The following COL19A1 variants were observed in gnomAD, a reference collection of about 807,000 sequenced individuals.
COL19A1 encodes collagen type XIX alpha 1 chain, also known as collagen alpha-1(XIX) chain.
Under a neutral mutation model 190.2 loss-of-function variants are expected in COL19A1, and 159 were observed. The ratio of observed to expected loss-of-function variants is 0.84; its 90% confidence interval spans 0.73 to 0.95. COL19A1 has a LOEUF of 0.95. Ranked by LOEUF, COL19A1 falls within the 40% of genes least tolerant of loss-of-function variation. The pLI is 0.00. For missense variants in COL19A1, 1,418 were observed against 1,431.9 expected, an observed-to-expected ratio of 0.99 and a Z score of 0.16; for synonymous variants, 509 against 458.9, an observed-to-expected ratio of 1.11 and a Z score of -1.39.
chr6:69,960,048 G>T lies in COL19A1; in HGVS notation c.981+8G>T. On this transcript the variant is annotated splice_region_variant and intron_variant, in intron 10 of 50. Coordinates refer to ENST00000620364, the MANE Select transcript of COL19A1 (RefSeq NM_001858.6). Reference sequence around the variant, plus strand: ...GGATTCCCTGGTCAAAAGGTAAAGAGTTCTTGAATGTTTCATCTGAGTTAA... The same window carrying T: ...GGATTCCCTGGTCAAAAGGTAAAGATTTCTTGAATGTTTCATCTGAGTTAA... 1 of 1,609,102 alleles carries T rather than the reference G, an allele frequency of 6.2e-7. No homozygotes were observed. The highest frequency in any genetic ancestry group is 1.7e-5 in the Admixed American group (1 of 59,012).
intron 4 of COL19A1, among the ~76,000 whole-genome samples, chr6:69,901,108 C>T (rs1471705662): frequency 6.7e-6 from 1 of 150,138 alleles, no homozygotes; most frequent in African/African-American, 2.5e-5. Flanking sequence ...GATGAATATT[C>T]GCATGTATGA....
intron 2 of COL19A1, among the ~76,000 whole-genome samples, chr6:69,883,092 A>T (rs1228480161): frequency 6.6e-6 from 1 of 152,218 alleles, no homozygotes; most frequent in Non-Finnish European, 1.5e-5. Flanking sequence ...TGTGAGGGCA[A>T]GGCACGTGAA....
chr6:70,170,348 G>A (rs1237409614), intron 40 of COL19A1, among the ~76,000 whole-genome samples: 2 of 152,080 alleles, frequency 1.3e-5, no homozygotes, highest in African/African-American at 4.8e-5. Context: ...GCAAAAACTT[G>A]AGAAGTCTTT....
chr6:70,108,180 A>C (rs1431800763), intron 16 of COL19A1, among the ~76,000 whole-genome samples: 1 of 152,202 alleles, frequency 6.6e-6, no homozygotes, highest in African/African-American at 2.4e-5. Flanking sequence ...TCCATTTGAC[A>C]TTAACTTTAC....
chr6:69,883,727 T>G (rs935418912), intron 2 of COL19A1, among the ~76,000 whole-genome samples: 1 of 152,198 alleles, frequency 6.6e-6, no homozygotes, highest in Non-Finnish European at 1.5e-5. Context: ...GTTTTTGTAT[T>G]ACCCAAGGAA....
intron 15 of COL19A1, among the ~76,000 whole-genome samples, chr6:70,073,985 A>G (rs1781708193): frequency 2.0e-5 from 3 of 152,210 alleles, no homozygotes; most frequent in Admixed American, 2.0e-4. Flanking sequence ...CTCATTAGGT[A>G]AAAGGACATC....
chr6:69,873,469 A>C (rs1767955478), intron 1 of COL19A1, among the ~76,000 whole-genome samples: 1 of 152,098 alleles, frequency 6.6e-6, no homozygotes, highest in African/African-American at 2.4e-5. Context: ...CCCAAGAAAG[A>C]AAAAAAATGA....
intron 27 of COL19A1, among the ~76,000 whole-genome samples, chr6:70,147,403 T>C (rs1372302010): frequency 3.9e-5 from 6 of 152,140 alleles, no homozygotes; most frequent in Non-Finnish European, 1.5e-5. Context: ...GGACAGAGCC[T>C]AGAACAGCCC....
intron 11 of COL19A1, among the ~76,000 whole-genome samples, chr6:69,999,946 A>T (rs1283242707): frequency 1.3e-5 from 2 of 152,158 alleles, no homozygotes; most frequent in African/African-American, 4.8e-5. Context: ...CAGGTTTGTT[A>T]CATAGGTATA....
At position 70,156,308 on chromosome 6, in the gene COL19A1, T is replaced by C. The variant is rs1787434079; in HGVS notation, c.2185-8T>C. ...TCCTCTCAGTTCTGTTCTTCCTCTG[T>C]CTTCTAGGGTGATATAGGGCCACGG... On this transcript the variant is annotated splice_polypyrimidine_tract_variant and splice_region_variant and intron_variant, in intron 32 of 50. Coordinates refer to ENST00000620364, the MANE Select transcript of COL19A1 (RefSeq NM_001858.6). 6.2e-7 allele frequency: 1 copy of C among 1,613,186 alleles called. No homozygotes were observed. The highest frequency in any genetic ancestry group is 1.7e-5 in the Admixed American group (1 of 59,882).
chr6:70,205,665 TCAAA>T (rs1004037602), intron 49 of COL19A1, among the ~76,000 whole-genome samples: 5 of 152,236 alleles, frequency 3.3e-5, no homozygotes, highest in Non-Finnish European at 7.3e-5. Context: ...AACCTTTTAT[TCAAA>T]CAAAGTATTA....
Position 70,142,751 on chromosome 6 carries a change from C to A in COL19A1, c.1573-16C>A, listed in dbSNP as rs754454157. On this transcript the variant is annotated splice_polypyrimidine_tract_variant and intron_variant, in intron 22 of 50. Coordinates refer to ENST00000620364, the MANE Select transcript of COL19A1 (RefSeq NM_001858.6). The stretch of plus-strand genomic sequence containing the variant: ...TTTTTTAGCAAAGCTAAAGTATATA[C>A]CACCTTTTATTTTAGGGTCAGCAAG... The A allele has an allele frequency of 3.7e-6, 6 of 1,605,952 alleles. No individual in the cohort carries two copies. Among genetic ancestry groups the A allele is most frequent in the East Asian group, 4.5e-5 (2 of 44,726 alleles).
chr6:69,879,939 G>A, intron 2 of COL19A1: 2 of 424,432 alleles, frequency 4.7e-6, no homozygotes, highest in Non-Finnish European at 8.3e-6. Flanking sequence ...GTGTATATAT[G>A]ACATTATGTA....
At chr6:69,959,102 C>T (rs1774610943) in intron 9 of COL19A1, among the ~76,000 whole-genome samples, 1 of 152,140 alleles carries the variant, frequency 6.6e-6, no homozygotes, top group Non-Finnish European at 1.5e-5. Context: ...TGAGAATATG[C>T]ACATCCTCTC....
chr6:70,207,141 C>T lies in COL19A1; in HGVS notation c.3302-6C>T, dbSNP rs183657680. On this transcript the variant is annotated splice_polypyrimidine_tract_variant and splice_region_variant and intron_variant, in intron 50 of 50. Coordinates refer to ENST00000620364, the MANE Select transcript of COL19A1 (RefSeq NM_001858.6). ...CTGCATTGTAATTTTTTTTTTATGTCGTTAGCTCTGGGTTTGCCAGGCTCA... is the reference window on the plus strand; with the variant it reads ...CTGCATTGTAATTTTTTTTTTATGTTGTTAGCTCTGGGTTTGCCAGGCTCA... 4.8e-4 allele frequency: 766 copies of T among 1,610,812 alleles called. 1 individual carries two copies. The Middle Eastern group carries it at 6.5e-3, about 14-fold the overall frequency.
intron 11 of COL19A1, among the ~76,000 whole-genome samples, chr6:69,996,936 G>GTA (rs1445787027): frequency 1.4e-5 from 2 of 148,142 alleles, no homozygotes; most frequent in Admixed American, 6.8e-5. Context: ...GTGTGTGTGT[G>GTA]TGTATATATA....
At chr6:70,082,624 C>A (rs189409342) in intron 15 of COL19A1, among the ~76,000 whole-genome samples, 1 of 152,028 alleles carries the variant, frequency 6.6e-6, no homozygotes, top group African/African-American at 2.4e-5. Context: ...TTGGCCTGGC[C>A]GGTCTCGAAC....
At chr6:69,883,025 C>A (rs1023382221) in intron 2 of COL19A1, among the ~76,000 whole-genome samples, 5 of 152,182 alleles carry the variant, frequency 3.3e-5, no homozygotes, top group African/African-American at 9.7e-5. Flanking sequence ...AATGTAGCTT[C>A]TAACTAGGTA....
At chr6:70,152,854 A>G (rs1787154962) in intron 31 of COL19A1, among the ~76,000 whole-genome samples, 2 of 152,154 alleles carry the variant, frequency 1.3e-5, no homozygotes, top group Admixed American at 1.3e-4. Flanking sequence ...AGGATGAGAA[A>G]CTTGTATGCT....
Sources: gnomAD v4.1 joint callset for allele counts (sites outside exome capture counted in the v4.1 genomes callset) on GRCh38, gnomAD v4.1.1 for gene constraint, MANE v1.5 for transcripts, NCBI Gene and HGNC (gene_info 2026-07-23, HGNC 2026-07-21) for gene names.